NFIA: variants seen among roughly 807,000 people sequenced by gnomAD.
NFIA encodes nuclear factor I A.
Under a neutral mutation model 62.8 loss-of-function variants are expected in NFIA, and 8 were observed. The observed-to-expected ratio is 0.13, with a 90% CI of 0.07 to 0.23. The LOEUF is 0.23. Ranked by LOEUF, NFIA falls within the 10% of genes least tolerant of loss-of-function variation. The probability of loss-of-function intolerance (pLI) is 1.00; values close to 1 mark genes in which losing one functional copy is unlikely to be tolerated. For synonymous variants in NFIA, 235 were observed against 238.1 expected, an observed-to-expected ratio of 0.99 and a Z score of 0.12; for missense variants, 410 against 642.1, an observed-to-expected ratio of 0.64 and a Z score of 3.91.
intron 2 of NFIA, among the ~76,000 whole-genome samples, chr1:61,214,228 CTT>C: frequency 6.6e-6 from 1 of 151,916 alleles, no homozygotes; most frequent in Non-Finnish European, 1.5e-5. Context: ...GGGGCCCACT[CTT>C]TTGTTCCGCA....
At chr1:61,109,914 ATTATT>A (rs928055064) in intron 2 of NFIA, among the ~76,000 whole-genome samples, 2 of 151,984 alleles carry the variant, frequency 1.3e-5, no homozygotes, top group African/African-American at 4.8e-5. Flanking sequence ...TATCTTTTTA[ATTATT>A]TTATGTTATA....
chr1:61,102,961 A>G (rs1362246930), intron 2 of NFIA, among the ~76,000 whole-genome samples: 1 of 152,216 alleles, frequency 6.6e-6, no homozygotes, highest in African/African-American at 2.4e-5. Context: ...GTGCTGTGGA[A>G]TGACCTGTGC....
chr1:61,455,419 T>C lies in NFIA; in HGVS notation c.*99T>C. 1.3e-6 allele frequency: 2 copies of C among 1,592,802 alleles called. No individual in the cohort carries two copies. The highest frequency in any genetic ancestry group is 1.7e-6 in the Non-Finnish European group (2 of 1,165,444). ...CAACCCAGCGCAGTTACAACTTCACTATCAGCGGAAGGGGAGAAAAACCGA... is the reference window on the plus strand; with the variant it reads ...CAACCCAGCGCAGTTACAACTTCACCATCAGCGGAAGGGGAGAAAAACCGA... On this transcript the variant is annotated 3_prime_UTR_variant, in exon 11 of 11. Coordinates refer to ENST00000403491, the MANE Select transcript of NFIA (RefSeq NM_001134673.4).
At chr1:61,327,667 A>T (rs994857317) in intron 3 of NFIA, among the ~76,000 whole-genome samples, 1 of 152,110 alleles carries the variant, frequency 6.6e-6, no homozygotes, top group African/African-American at 2.4e-5. Flanking sequence ...TCCTTGGCCA[A>T]TGGGCATTTA....
intron 2 of NFIA, among the ~76,000 whole-genome samples, chr1:61,181,674 A>G (rs1221701373): frequency 6.6e-6 from 1 of 152,214 alleles, no homozygotes; most frequent in Non-Finnish European, 1.5e-5. Context: ...CTGATGTATC[A>G]TAGCACTGTG....
intron 4 of NFIA, among the ~76,000 whole-genome samples, chr1:61,335,598 T>C (rs1019984266): frequency 9.9e-5 from 15 of 152,126 alleles, no homozygotes; most frequent in Non-Finnish European, 2.2e-4. Flanking sequence ...ATCCCAGCAC[T>C]TTGGGAGGCC....
intron 4 of NFIA, among the ~76,000 whole-genome samples, chr1:61,350,720 CTA>C (rs1304870757): frequency 2.0e-5 from 3 of 152,238 alleles, no homozygotes; most frequent in Non-Finnish European, 4.4e-5. Flanking sequence ...GTATTCTACA[CTA>C]TGTCATCATA....
intron 3 of NFIA, among the ~76,000 whole-genome samples, chr1:61,325,828 GAATGGCATGAAAGAT>G (rs1226856578): frequency 6.8e-6 from 1 of 146,406 alleles, no homozygotes; most frequent in East Asian, 2.1e-4. Context: ...TGAGGCAGGA[GAATGGCATGAAAGAT>G]AATGGCATGA....
At chr1:61,393,287 CTCTCCCTCTT>C (rs759952526) in intron 7 of NFIA, among the ~76,000 whole-genome samples, 2 of 70,568 alleles carry the variant, frequency 2.8e-5, no homozygotes, top group Non-Finnish European at 2.4e-5. Context: ...CTCTCTCTCT[CTCTCCCTCTT>C]TCTCTCCCTC....
intron 6 of NFIA, among the ~76,000 whole-genome samples, chr1:61,364,840 C>T (rs1394984282): frequency 6.6e-6 from 1 of 152,062 alleles, no homozygotes; most frequent in Non-Finnish European, 1.5e-5. Flanking sequence ...AAGGAGCACC[C>T]ATATGAGACA....
chr1:61,240,492 T>A (rs1362956405), intron 2 of NFIA, among the ~76,000 whole-genome samples: 1 of 151,938 alleles, frequency 6.6e-6, no homozygotes, highest in Admixed American at 6.6e-5. Context: ...TCATTTAGAC[T>A]TTTTTTTCCA....
chr1:61,172,505 T>C (rs1650036069), intron 2 of NFIA, among the ~76,000 whole-genome samples: 1 of 152,238 alleles, frequency 6.6e-6, no homozygotes, highest in African/African-American at 2.4e-5. Flanking sequence ...AAGCTGACTT[T>C]AGCATCTGAG....
intron 2 of NFIA, among the ~76,000 whole-genome samples, chr1:61,094,735 A>G (rs1646381544): frequency 6.6e-6 from 1 of 152,252 alleles, no homozygotes; most frequent in South Asian, 2.1e-4. Context: ...GTTGCTGCTT[A>G]GACAGAAATG....
chr1:61,336,348 T>G (rs546116477), intron 4 of NFIA, among the ~76,000 whole-genome samples: 1 of 152,368 alleles, frequency 6.6e-6, no homozygotes, highest in South Asian at 2.1e-4. Flanking sequence ...TGAGTTTGTT[T>G]TTAATTAACA....
rs927901689 is a variant in NFIA at position 61,456,458 on chromosome 1, G to C, written c.*1138G>C. On this transcript the variant is annotated 3_prime_UTR_variant, in exon 11 of 11. Coordinates refer to ENST00000403491, the MANE Select transcript of NFIA (RefSeq NM_001134673.4). Reference sequence around the variant, plus strand: ...ATTAAATGCTAATTAATTATTTTCTGTTATCAAAGCACATGACTAAAATGA... The same window carrying C: ...ATTAAATGCTAATTAATTATTTTCTCTTATCAAAGCACATGACTAAAATGA... The C allele has an allele frequency of 1.3e-5, 2 of 151,214 alleles. No individual in the cohort carries two copies. Among genetic ancestry groups the C allele is most frequent in the Admixed American group, 6.6e-5 (1 of 15,134 alleles). The allele number at this position is 151,214 out of a possible 1,614,324, so 9.4% of individuals were successfully genotyped here. A position where few individuals can be genotyped will look rare whatever the true frequency, so the allele number is the denominator to read the frequency against.
chr1:61,335,739 G>GATCTCCT (rs1199534024), intron 4 of NFIA, among the ~76,000 whole-genome samples: 2 of 152,070 alleles, frequency 1.3e-5, no homozygotes, highest in Admixed American at 1.3e-4. Flanking sequence ...CTACTCGGGA[G>GATCTCCT]GCTGAGGCAG....
chr1:61,096,841 G>A (rs1355684104), intron 2 of NFIA, among the ~76,000 whole-genome samples: 1 of 151,626 alleles, frequency 6.6e-6, no homozygotes, highest in Non-Finnish European at 1.5e-5. Flanking sequence ...GTGAGCCACC[G>A]CGCCTGGCGA....
chr1:61,078,076 T>C (rs1177414358), upstream of NFIA, among the ~76,000 whole-genome samples: 3 of 151,940 alleles, frequency 2.0e-5, no homozygotes, highest in Non-Finnish European at 4.4e-5. Flanking sequence ...ACTTGGGAGA[T>C]TGACAAAAGC....
chr1:61,207,044 C>G (rs181121603), intron 2 of NFIA, among the ~76,000 whole-genome samples: 3 of 152,204 alleles, frequency 2.0e-5, no homozygotes, highest in Admixed American at 2.0e-4. Flanking sequence ...GTCATTATGA[C>G]AATGAAGAAG....
Sources: gnomAD v4.1 joint callset for allele counts (sites outside exome capture counted in the v4.1 genomes callset) on GRCh38, gnomAD v4.1.1 for gene constraint, MANE v1.5 for transcripts, NCBI Gene and HGNC (gene_info 2026-07-23, HGNC 2026-07-21) for gene names.